Variants in GRID2 observed in about 807,000 individuals in gnomAD.
GRID2 encodes glutamate ionotropic receptor delta type subunit 2, also known as glutamate receptor ionotropic, delta-2.
In GRID2, 33 loss-of-function variants were observed where a neutral mutation model predicts 114.8. The ratio of observed to expected loss-of-function variants is 0.29; its 90% CI spans 0.22 to 0.38. The LOEUF (loss-of-function observed/expected upper bound fraction) is 0.38, where lower values mean the gene tolerates loss of function less well. Ranked by LOEUF, GRID2 falls within the 10% of genes least tolerant of loss-of-function variation. The pLI is 1.00. For synonymous variants in GRID2, 505 were observed against 449.9 expected, an observed-to-expected ratio of 1.12 and a Z score of -1.55; for missense variants, 1,184 against 1,257.7, an observed-to-expected ratio of 0.94 and a Z score of 0.89.
At chr4:92,700,993 C>CAAAA (rs781142253) in intron 2 of GRID2, among the ~76,000 whole-genome samples, 8 of 83,830 alleles carry the variant, frequency 9.5e-5, no homozygotes, top group Admixed American at 6.0e-4. Flanking sequence ...GACTCCATCT[C>CAAAA]AAAAAAAAAA....
intron 8 of GRID2, among the ~76,000 whole-genome samples, chr4:93,307,804 A>G (rs1433987454): frequency 6.6e-6 from 1 of 152,202 alleles, no homozygotes; most frequent in Non-Finnish European, 1.5e-5. Context: ...TAAAGTGTAC[A>G]CAATAATCAG....
chr4:92,941,846 C>G (rs924440573), intron 2 of GRID2, among the ~76,000 whole-genome samples: 2 of 152,158 alleles, frequency 1.3e-5, no homozygotes, highest in Non-Finnish European at 2.9e-5. Context: ...CATTCAGGAG[C>G]AGGTTGCTCA....
intron 14 of GRID2, among the ~76,000 whole-genome samples, chr4:93,708,554 TCTC>T (rs1728204216): frequency 6.6e-6 from 1 of 152,012 alleles, no homozygotes. Flanking sequence ...AGTCTATGTA[TCTC>T]TATAGGCGAA....
intron 1 of GRID2, among the ~76,000 whole-genome samples, chr4:92,388,863 A>G (rs561537285): frequency 1.3e-5 from 2 of 152,074 alleles, no homozygotes; most frequent in Non-Finnish European, 2.9e-5. Flanking sequence ...CTGTAAGTAT[A>G]CAATTGGGAA....
At chr4:93,172,328 C>T (rs1738911077) in intron 4 of GRID2, among the ~76,000 whole-genome samples, 1 of 152,110 alleles carries the variant, frequency 6.6e-6, no homozygotes. Flanking sequence ...CGCGGTGGCT[C>T]ACACCTATAA....
intron 10 of GRID2, among the ~76,000 whole-genome samples, chr4:93,424,567 T>C (rs1457626016): frequency 1.3e-5 from 2 of 152,130 alleles, no homozygotes; most frequent in Admixed American, 1.3e-4. Flanking sequence ...CCTGATTCTT[T>C]ATATGTAGTA....
At chr4:92,370,107 TCA>T (rs924530184) in intron 1 of GRID2, among the ~76,000 whole-genome samples, 9 of 152,192 alleles carry the variant, frequency 5.9e-5, no homozygotes, top group Admixed American at 5.9e-4. Flanking sequence ...TGTCTCTGTG[TCA>T]CACACATTTT....
At chr4:92,951,256 T>A (rs1752012577) in intron 2 of GRID2, among the ~76,000 whole-genome samples, 1 of 151,636 alleles carries the variant, frequency 6.6e-6, no homozygotes, top group African/African-American at 2.4e-5. Context: ...AAATATCTTG[T>A]TTTTTGAATA....
chr4:92,424,136 A>G (rs1732037882), intron 1 of GRID2, among the ~76,000 whole-genome samples: 2 of 152,076 alleles, frequency 1.3e-5, no homozygotes, highest in South Asian at 4.1e-4. Context: ...GCAGTTTTAT[A>G]CAAGTTCTTA....
chr4:93,421,476 G>A (rs1392642004), intron 9 of GRID2, among the ~76,000 whole-genome samples: 1 of 152,118 alleles, frequency 6.6e-6, no homozygotes, highest in Non-Finnish European at 1.5e-5. Flanking sequence ...ATTAGAAAAT[G>A]TAAGTACCTT....
chr4:93,213,191 A>G (rs1176000218), intron 5 of GRID2, among the ~76,000 whole-genome samples: 1 of 152,174 alleles, frequency 6.6e-6, no homozygotes, highest in Non-Finnish European at 1.5e-5. Flanking sequence ...TTTCAAGTAG[A>G]AAGTTGCCAT....
At chr4:93,389,432 GTC>G (rs1764633787) in intron 8 of GRID2, among the ~76,000 whole-genome samples, 1 of 152,148 alleles carries the variant, frequency 6.6e-6, no homozygotes, top group African/African-American at 2.4e-5. Flanking sequence ...AGGACACGGT[GTC>G]TAGTTGGAAA....
rs1452792136 is a variant in GRID2, at chr4:92,597,929, GTTATCACTA to G, written c.244+7650_244+7658del. The stretch of plus-strand genomic sequence containing the variant: ...TCAGTATATTTGGAATTTTCAATCT[GTTATCACTA>G]TTATCAATATCCAACTTTTATATGA... On this transcript the variant is annotated intron_variant, in intron 2 of 15. Transcript: ENST00000282020. Among the ~76,000 whole-genome samples the G allele has an allele frequency of 3.3e-5, 5 of 152,112 alleles. No individual in the cohort carries two copies. The East Asian group carries it at 7.7e-4, about 23-fold the overall frequency.
At chr4:92,921,855 C>T (rs1166370042) in intron 2 of GRID2, among the ~76,000 whole-genome samples, 2 of 152,188 alleles carry the variant, frequency 1.3e-5, no homozygotes, top group African/African-American at 4.8e-5. Flanking sequence ...GCTGGGAGAA[C>T]CGCTACTCTC....
rs192278238 is a variant in GRID2 at position 93,522,178 on chromosome 4, A to C, written c.2193+6767A>C. On this transcript the variant is annotated intron_variant, in intron 13 of 15. Coordinates refer to ENST00000282020, the MANE Select transcript of GRID2 (RefSeq NM_001510.4). ...AGAGGAGAGAAGGACATAAGTTAGAAGATGTGGTGGTGGGAGCATAAGGAA... is the reference window on the plus strand; with the variant it reads ...AGAGGAGAGAAGGACATAAGTTAGACGATGTGGTGGTGGGAGCATAAGGAA... Among the ~76,000 whole-genome samples, 795 of 152,250 alleles carry C rather than the reference A, an allele frequency of 5.2e-3. 11 individuals are homozygous for C. Among genetic ancestry groups the C allele is most frequent in the African/African-American group, 0.018 (768 of 41,548 alleles).
intron 1 of GRID2, among the ~76,000 whole-genome samples, chr4:92,507,135 A>G (rs1465639796): frequency 6.6e-6 from 1 of 151,834 alleles, no homozygotes; most frequent in Non-Finnish European, 1.5e-5. Context: ...GCTTCCTTCT[A>G]TCCCCAGCAT....
chr4:93,154,206 A>G (rs1338799506), intron 4 of GRID2, among the ~76,000 whole-genome samples: 2 of 152,068 alleles, frequency 1.3e-5, no homozygotes, highest in Non-Finnish European at 2.9e-5. Flanking sequence ...GTTGCTATGC[A>G]CCAGCATTGC....
In GRID2 at chr4:92,511,326, G is replaced by A. The variant is rs1579493458; in HGVS notation, c.89-78805G>A. ...GAGTGAGAACACACTTATCACCAAGGGGATGGCACTAATCCGTTCATGAAG... is the reference window on the plus strand; with the variant it reads ...GAGTGAGAACACACTTATCACCAAGAGGATGGCACTAATCCGTTCATGAAG... On this transcript the variant is annotated intron_variant, in intron 1 of 15. Transcript: ENST00000282020. Among the ~76,000 whole-genome samples, 3 of 151,624 alleles carry A rather than the reference G, an allele frequency of 2.0e-5. No individual in the cohort carries two copies. In the East Asian group the frequency reaches 5.9e-4, roughly 30 times the overall value.
chr4:92,388,866 A>AGTTAC (rs1256901446), intron 1 of GRID2, among the ~76,000 whole-genome samples: 1 of 152,078 alleles, frequency 6.6e-6, no homozygotes, highest in East Asian at 1.9e-4. Flanking sequence ...TAAGTATACA[A>AGTTAC]TTGGGAAATG....
Sources: allele counts gnomAD v4.1 joint callset (sites outside exome capture counted in the v4.1 genomes callset), GRCh38; gene constraint gnomAD v4.1.1; transcripts MANE v1.5; gene names NCBI Gene and HGNC (gene_info 2026-07-23, HGNC 2026-07-21).